Variants in GRIP2 observed in about 807,000 individuals in gnomAD.
GRIP2 encodes the protein glutamate receptor-interacting protein 2.
In GRIP2, 58 loss-of-function variants were observed where a neutral mutation model predicts 108.3. The ratio of observed to expected loss-of-function variants is 0.54; its 90% confidence interval spans 0.43 to 0.67. GRIP2 has a LOEUF of 0.67. GRIP2 is among the 30% of genes least tolerant of loss of function. The pLI is 0.00. For missense variants in GRIP2, 1,278 were observed against 1,430.6 expected, an observed-to-expected ratio of 0.89 and a Z score of 1.72; for synonymous variants, 586 against 598.2, an observed-to-expected ratio of 0.98 and a Z score of 0.30.
At chr3:14,524,251 A>G (rs1694491363) in intron 4 of GRIP2, 142 bp downstream of exon 4, 2 of 919,732 alleles carry the variant, frequency 2.2e-6, no homozygotes, top group Admixed American at 5.5e-5. Context: ...CCCCTAGGCG[A>G]GGTATGGATG....
Position 14,506,827 on chromosome 3 carries a change from G to A in GRIP2, c.2372C>T (p.Ala791Val), listed in dbSNP as rs1475699080. Residue 791 changes from alanine (A) to valine (V), a missense_variant, in exon 19 of 24, where the codon GCC (alanine) becomes GTC (valine). By Grantham distance (64) the Ala-to-Val change is moderately conservative. Transcript: ENST00000621039. The stretch of plus-strand genomic sequence containing the variant: ...TGGGCCCCCAAAGCCACCCTCGGTG[G>A]CCGAGCTGTCCCAAGACTCCACAGC... ...DSAVESWDSSATEGGFGGPGS... is the reference protein window; with the variant it reads ...DSAVESWDSSVTEGGFGGPGS... The A allele has an allele frequency of 6.2e-7, 1 of 1,603,662 alleles. No homozygotes were observed. Among genetic ancestry groups the A allele is most frequent in the Non-Finnish European group, 8.5e-7 (1 of 1,175,204 alleles).
In GRIP2 at chr3:14,507,528, T is replaced by C; in HGVS notation, c.2218+33A>G. 2 of 1,606,996 alleles carry C rather than the reference T, an allele frequency of 1.2e-6. No individual in the cohort carries two copies. The highest frequency in any genetic ancestry group is 4.5e-5 in the East Asian group (2 of 44,616). ...GAGGGATTGCCCTTCCTAAACCTGCTGGGTGGCTCCCAGGGGATGAAGCGA... is the reference window on the plus strand; with the variant it reads ...GAGGGATTGCCCTTCCTAAACCTGCCGGGTGGCTCCCAGGGGATGAAGCGA... On this transcript the variant is annotated intron_variant, in intron 18 of 23. Transcript: ENST00000621039. This position sits in a 1 kb window ranked among gnomAD's most constrained non-coding sequence, Gnocchi z 4.6.
chr3:14,490,876 C>T lies in GRIP2; in HGVS notation c.*2789G>A, dbSNP rs1374864356. On this transcript the variant is annotated 3_prime_UTR_variant, in exon 24 of 24. Coordinates refer to ENST00000621039, the MANE Select transcript of GRIP2 (RefSeq NM_001080423.4). Reference sequence around the variant, plus strand: ...CCCCTCCTAATATTGTGAGCTAAAGCCCCTCACCCTGGTCCCTCTATCCCG... The same window carrying T: ...CCCCTCCTAATATTGTGAGCTAAAGTCCCTCACCCTGGTCCCTCTATCCCG... 6.6e-6 allele frequency: 1 copy of T among 152,242 alleles called. No homozygotes were observed. The highest frequency in any genetic ancestry group is 1.5e-5 in the Non-Finnish European group (1 of 68,044). The allele number at this position is 152,242 out of a possible 1,614,324, so 9.4% of individuals were successfully genotyped here.
chr3:14,592,807 G>A, the GRIP2 span, among the ~76,000 whole-genome samples: 6 of 152,202 alleles, frequency 3.9e-5, no homozygotes, highest in East Asian at 5.8e-4. Flanking sequence ...CCAAAACCCC[G>A]TGATCCTTGT....
chr3:14,586,703 G>T, the GRIP2 span, among the ~76,000 whole-genome samples: 2 of 152,186 alleles, frequency 1.3e-5, no homozygotes, highest in African/African-American at 4.8e-5. Context: ...AAGCCTATAT[G>T]AATTGCATGA....
chr3:14,523,833 A>G, intron 4 of GRIP2, 135 bp from the exon 5 acceptor site: 1 of 661,536 alleles, frequency 1.5e-6, no homozygotes, highest in Non-Finnish European at 2.7e-6. Context: ...TGCCCATTTT[A>G]CAGGTCGAAC....
the GRIP2 span, among the ~76,000 whole-genome samples, chr3:14,598,900 C>T: frequency 2.0e-5 from 3 of 152,134 alleles, no homozygotes; most frequent in African/African-American, 7.2e-5. Flanking sequence ...TGTGGCTGGG[C>T]CTTCTCACTC....
At chr3:14,564,946 C>T in the GRIP2 span, among the ~76,000 whole-genome samples, 1 of 152,230 alleles carries the variant, frequency 6.6e-6, no homozygotes, top group African/African-American at 2.4e-5. Context: ...TTGCTCAGCT[C>T]CGTGCGAGCA....
chr3:14,595,412 C>T, the GRIP2 span, among the ~76,000 whole-genome samples: 4 of 152,200 alleles, frequency 2.6e-5, no homozygotes, highest in African/African-American at 9.7e-5. Context: ...TCCCCCACAC[C>T]CATTTCAGGG....
intron 20 of GRIP2, among the ~76,000 whole-genome samples, chr3:14,504,678 G>C (rs1002859674): frequency 1.3e-5 from 2 of 152,164 alleles, no homozygotes; most frequent in African/African-American, 4.8e-5. Flanking sequence ...AGGATGTGTT[G>C]CCTCCTTCCC....
At chr3:14,499,754 GA>G (rs539153023) in intron 21 of GRIP2, among the ~76,000 whole-genome samples, 117 of 151,776 alleles carry the variant, frequency 7.7e-4, no homozygotes, top group African/African-American at 2.7e-3. Context: ...TCGAAAAAAA[GA>G]AAAAAGAAAA....
chr3:14,506,723 G>T, intron 19 of GRIP2, 78 bp downstream of exon 19: 1 of 1,324,002 alleles, frequency 7.6e-7, no homozygotes, highest in Non-Finnish European at 1.0e-6. Context: ...ACAGGCACAA[G>T]AACAGTCCTG....
rs767677522 is a variant in GRIP2, at chr3:14,506,823, G to C, written c.2376C>G (p.Thr792=). The C allele has an allele frequency of 1.9e-6, 3 of 1,602,840 alleles. No homozygotes were observed. Among genetic ancestry groups the C allele is most frequent in the East Asian group, 4.5e-5 (2 of 44,292 alleles). ...SAVESWDSSA[T]EGGFGGPGSY... is the part of the protein sequence containing the mutation. Reference sequence around the variant, plus strand: ...TACCTGGGCCCCCAAAGCCACCCTCGGTGGCCGAGCTGTCCCAAGACTCCA... The same window carrying C: ...TACCTGGGCCCCCAAAGCCACCCTCCGTGGCCGAGCTGTCCCAAGACTCCA... Residue 792 remains threonine (T), a synonymous_variant, in exon 19 of 24, where the codon ACC becomes ACG. Transcript: ENST00000621039.
the GRIP2 span, among the ~76,000 whole-genome samples, chr3:14,602,575 G>C: frequency 6.6e-6 from 1 of 151,634 alleles, no homozygotes; most frequent in Non-Finnish European, 1.5e-5. The surrounding 1 kb of genome is among the most constrained non-coding windows in gnomAD (Gnocchi z 4.7). Context: ...CTCCCTCCAG[G>C]AGCCCGACCC....
Position 14,492,602 on chromosome 3 carries a change from C to CTGG in GRIP2, c.*1062_*1063insCCA, listed in dbSNP as rs931457501. On this transcript the variant is annotated 3_prime_UTR_variant, in exon 24 of 24. Coordinates refer to ENST00000621039, the MANE Select transcript of GRIP2 (RefSeq NM_001080423.4). ...CCATCTTTTTCTCTGGCCCATTTCTCTCCCATCTCCCTCCCTCTTTCTCCT... is the reference window on the plus strand; with the variant it reads ...CCATCTTTTTCTCTGGCCCATTTCTCTGGTCCCATCTCCCTCCCTCTTTCTCCT... 1 of 152,368 alleles carries CTGG rather than the reference C, an allele frequency of 6.6e-6. No individual in the cohort carries two copies. Among genetic ancestry groups the CTGG allele is most frequent in the Non-Finnish European group, 1.5e-5 (1 of 68,124 alleles). 9.4% of individuals were successfully genotyped at this position (152,368 alleles called of 1,614,324 possible). A position where few individuals can be genotyped will look rare whatever the true frequency, so the allele number is the denominator to read the frequency against.
At chr3:14,517,494 C>CTTTT (rs146509076) in intron 10 of GRIP2, among the ~76,000 whole-genome samples, 1 of 107,754 alleles carries the variant, frequency 9.3e-6, no homozygotes, top group Non-Finnish European at 1.8e-5. Context: ...ATCTCTCTCT[C>CTTTT]TTTTTTTTTT....
At chr3:14,536,759 T>C (rs1396057442) in intron 1 of GRIP2, among the ~76,000 whole-genome samples, 1 of 152,176 alleles carries the variant, frequency 6.6e-6, no homozygotes, top group African/African-American at 2.4e-5. Context: ...GAACGTGACC[T>C]CAAAATCAGG....
At chr3:14,516,704 G>T (rs1264248518) in intron 11 of GRIP2, among the ~76,000 whole-genome samples, 1 of 152,136 alleles carries the variant, frequency 6.6e-6, no homozygotes, top group Non-Finnish European at 1.5e-5. Context: ...CAGCACTGAG[G>T]CTTTATCCAT....
Position 14,521,855 on chromosome 3 carries a change from G to T in GRIP2, c.567-68C>A. 7.0e-7 allele frequency: 1 copy of T among 1,424,142 alleles called. No homozygotes were observed. The allele number at this position is 1,424,142 out of a possible 1,614,324, so 88.2% of individuals were successfully genotyped here. A position where few individuals can be genotyped will look rare whatever the true frequency, so the allele number is the denominator to read the frequency against. On this transcript the variant is annotated intron_variant, in intron 6 of 23. Transcript: ENST00000621039. This position sits in a 1 kb window ranked among gnomAD's most constrained non-coding sequence, Gnocchi z 5.1. ...CTGGGCACAGCCTGTCTGGGAGGGC[G>T]CTGGGAAGCGGGACATGGAGGATGA...
Sources: allele counts gnomAD v4.1 joint callset (sites outside exome capture counted in the v4.1 genomes callset), GRCh38; gene constraint gnomAD v4.1.1; non-coding constraint Gnocchi (gnomAD v3.1); transcripts MANE v1.5; gene names NCBI Gene and HGNC (gene_info 2026-07-23, HGNC 2026-07-21).